Variants in PLCH2 observed in about 807,000 individuals in gnomAD.
PLCH2 encodes the protein 1-phosphatidylinositol 4,5-bisphosphate phosphodiesterase eta-2.
PLCH2 carries 98 observed loss-of-function variants against 134.7 expected under a neutral mutation model. The observed-to-expected ratio is 0.73, with a 90% confidence interval of 0.62 to 0.86. The LOEUF (loss-of-function observed/expected upper bound fraction) is 0.86, where lower values mean the gene tolerates loss of function less well. Among genes scored for constraint, PLCH2 ranks in the 40% least tolerant of loss-of-function variants. PLCH2 has a pLI of 0.00. For missense variants in PLCH2, 1,994 were observed against 1,986.6 expected, an observed-to-expected ratio of 1.00 and a Z score of -0.07; for synonymous variants, 974 against 827.5, an observed-to-expected ratio of 1.18 and a Z score of -3.04.
intron 12 of PLCH2, 145 bp downstream of exon 12, chr1:2,495,093 G>A (rs1020979154): frequency 1.1e-5 from 7 of 637,560 alleles, no homozygotes; most frequent in African/African-American, 7.3e-5. Flanking sequence ...CAGAGCAGAT[G>A]GGGGTCTCCT....
chr1:2,472,453 C>T (rs181270504), upstream of PLCH2, among the ~76,000 whole-genome samples: 30 of 152,284 alleles, frequency 2.0e-4, no homozygotes, highest in East Asian at 4.2e-3. Context: ...CAGGGGGGCG[C>T]GGAAGAGCCA....
At position 2,505,183 on chromosome 1, in the gene PLCH2, TG is replaced by T; in HGVS notation, c.4222del (p.Ala1408LeufsTer90). 1 of 1,572,668 alleles carries T rather than the reference TG, an allele frequency of 6.4e-7. No individual in the cohort carries two copies. The highest frequency in any genetic ancestry group is 8.6e-7 in the Non-Finnish European group (1 of 1,169,258). On this transcript the variant is annotated frameshift_variant, in exon 22 of 22. Coordinates refer to ENST00000378486, the MANE Select transcript of PLCH2 (RefSeq NM_014638.4). LOFTEE classifies it high-confidence loss of function. ...GAGCCCTCGGGCCAGCATCCGCGGC[TG>T]CTGAAAACCTGGTCCTGCTCCGCCT... is the stretch of plus-strand genomic sequence containing the variant. ...KGALGPASAA[A>X]ENLVLLRL
chr1:2,419,645 G>A, the PLCH2 span, among the ~76,000 whole-genome samples: 45 of 152,160 alleles, frequency 3.0e-4, 1 homozygote, highest in Middle Eastern at 3.4e-3. Flanking sequence ...CTTCTTGCCC[G>A]GAGCTCAATG....
chr1:2,438,389 G>T (rs1268421238), intron 2 of PLCH2, among the ~76,000 whole-genome samples: 1 of 152,148 alleles, frequency 6.6e-6, no homozygotes, highest in Non-Finnish European at 1.5e-5. Context: ...AGGCCGAGGG[G>T]CCCAGGGTCA....
chr1:2,478,458 T>C lies in PLCH2; in HGVS notation c.125-18T>C. ...GTGGCTGTGCCTCCGCTGACAGCCG[T>C]GTCTCTCCCGTGTCCAGTGGAGCGG... On this transcript the variant is annotated intron_variant, in intron 1 of 21. Transcript: ENST00000378486. 6.2e-7 allele frequency: 1 copy of C among 1,611,990 alleles called. No individual in the cohort carries two copies. The highest frequency in any genetic ancestry group is 8.5e-7 in the Non-Finnish European group (1 of 1,179,352).
intron 2 of PLCH2, among the ~76,000 whole-genome samples, chr1:2,443,467 C>T (rs563660241): frequency 6.6e-6 from 1 of 152,264 alleles, no homozygotes; most frequent in South Asian, 2.1e-4. Flanking sequence ...GCCCCCTTCC[C>T]GGTCCCGCCG....
chr1:2,501,741 A>T, intron 20 of PLCH2: 2 of 226,928 alleles, frequency 8.8e-6, no homozygotes, highest in Non-Finnish European at 1.7e-5. Context: ...GCCTCTGAGC[A>T]GGTGCAGGCT....
At chr1:2,450,295 G>C (rs1369436692) in intron 2 of PLCH2, among the ~76,000 whole-genome samples, 2 of 151,998 alleles carry the variant, frequency 1.3e-5, no homozygotes, top group African/African-American at 4.8e-5. Flanking sequence ...CCCTCCCCGT[G>C]GGCCTCCAGC....
intron 1 of PLCH2, among the ~76,000 whole-genome samples, chr1:2,470,369 A>G (rs1041766081): frequency 6.6e-6 from 1 of 152,166 alleles, no homozygotes; most frequent in Non-Finnish European, 1.5e-5. Context: ...CCCCAGGGCC[A>G]GCTTGAGCAG....
At chr1:2,418,322 G>A in the PLCH2 span, among the ~76,000 whole-genome samples, 18 of 152,350 alleles carry the variant, frequency 1.2e-4, no homozygotes, top group Admixed American at 9.8e-4. Flanking sequence ...AGAGAGACAG[G>A]AGTGGGGGTG....
chr1:2,470,411 A>G (rs1454817674), intron 1 of PLCH2, among the ~76,000 whole-genome samples: 1 of 152,090 alleles, frequency 6.6e-6, no homozygotes, highest in Non-Finnish European at 1.5e-5. Flanking sequence ...ACGACTATAC[A>G]AGATCCCAGA....
intron 13 of PLCH2, among the ~76,000 whole-genome samples, chr1:2,496,398 T>C (rs1004756601): frequency 2.0e-5 from 3 of 152,192 alleles, no homozygotes; most frequent in African/African-American, 7.2e-5. Context: ...CTAGGGACTT[T>C]GCACCTGCTG....
intron 8 of PLCH2, among the ~76,000 whole-genome samples, chr1:2,488,901 G>A (rs1004396722): frequency 6.6e-6 from 1 of 152,148 alleles, no homozygotes; most frequent in Non-Finnish European, 1.5e-5. Flanking sequence ...TTTTTCAAAC[G>A]TTCCTTTTGT....
At chr1:2,486,703 C>T (rs577843277) in intron 5 of PLCH2, among the ~76,000 whole-genome samples, 2 of 152,358 alleles carry the variant, frequency 1.3e-5, no homozygotes, top group South Asian at 2.1e-4. Context: ...CCTCCCGTGC[C>T]GTCAGAGTTC....
At chr1:2,485,606 C>T (rs1356850137) in intron 5 of PLCH2, among the ~76,000 whole-genome samples, 1 of 150,836 alleles carries the variant, frequency 6.6e-6, no homozygotes, top group Non-Finnish European at 1.5e-5. Flanking sequence ...CCTGGGGGTG[C>T]TGCTTAGGGA....
chr1:2,498,927 T>A lies in PLCH2; in HGVS notation c.2434+99T>A, dbSNP rs1018917760. On this transcript the variant is annotated intron_variant, in intron 18 of 21. Transcript: ENST00000378486. The surrounding 1 kb of genome is among the most constrained non-coding windows in gnomAD (Gnocchi z 5.4). ...CCCGGGTGCCCTGCCCAGGCCTCCC[T>A]CAGTGACAGTCCTGGGCGCCCTCCC... The A allele has an allele frequency of 1.5e-6, 2 of 1,327,776 alleles. No individual in the cohort carries two copies. The highest frequency in any genetic ancestry group is 2.1e-6 in the Non-Finnish European group (2 of 948,546). The allele number at this position is 1,327,776 out of a possible 1,614,324, so 82.2% of individuals were successfully genotyped here. A position where few individuals can be genotyped will look rare whatever the true frequency, so the allele number is the denominator to read the frequency against.
chr1:2,437,167 T>A lies in PLCH2; in HGVS notation c.115+6538T>A, dbSNP rs532012232. 2.6e-5 allele frequency among the ~76,000 whole-genome samples: 4 copies of A among 152,236 alleles called. No individual in the cohort carries two copies. The East Asian group carries it at 7.7e-4, about 29-fold the overall frequency. On this transcript the variant is annotated intron_variant, in intron 2 of 3. Coordinates refer to the PLCH2 transcript ENST00000609981. ...GAGGGAGCAGCAAGGCCACAGCAGG[T>A]CCCCGGGTCATGGAGGGCTTGGCTG...
chr1:2,457,769 A>C (rs1486703131), intron 2 of PLCH2, among the ~76,000 whole-genome samples: 4 of 151,802 alleles, frequency 2.6e-5, no homozygotes, highest in Non-Finnish European at 4.4e-5. Context: ...CTCGTGTGGA[A>C]CATGAACCAT....
Position 2,477,181 on chromosome 1 carries a change from G to A in PLCH2, c.124+469G>A, listed in dbSNP as rs554088536. ...CTTGTGGTGGCCTGTGGAGGGCCCCGGTCCGGGCTGGCCTGCCAGCTCTCT... is the reference window on the plus strand; with the variant it reads ...CTTGTGGTGGCCTGTGGAGGGCCCCAGTCCGGGCTGGCCTGCCAGCTCTCT... On this transcript the variant is annotated intron_variant, in intron 1 of 21. Coordinates refer to ENST00000378486, the MANE Select transcript of PLCH2 (RefSeq NM_014638.4). 1.6e-4 allele frequency among the ~76,000 whole-genome samples: 24 copies of A among 152,216 alleles called. No homozygotes were observed. The East Asian group carries it at 2.7e-3, about 17-fold the overall frequency.
Sources: gnomAD v4.1 joint callset for allele counts (sites outside exome capture counted in the v4.1 genomes callset) on GRCh38, gnomAD v4.1.1 for gene constraint, Gnocchi (gnomAD v3.1) non-coding constraint, MANE v1.5 for transcripts, NCBI Gene and HGNC (gene_info 2026-07-23, HGNC 2026-07-21) for gene names.